TMEM178B: variants seen among roughly 807,000 people sequenced by gnomAD.
TMEM178B encodes transmembrane protein 178B.
A neutral mutation model predicts 31.0 loss-of-function variants in TMEM178B; 5 were observed. The observed-to-expected ratio is 0.16, with a 90% CI of 0.08 to 0.34. The LOEUF (loss-of-function observed/expected upper bound fraction) is 0.34, where lower values mean the gene tolerates loss of function less well. Among genes scored for constraint, TMEM178B ranks in the 10% least tolerant of loss-of-function variants. TMEM178B has a pLI of 1.00. For synonymous variants in TMEM178B, 164 were observed against 164.0 expected, an observed-to-expected ratio of 1.00 and a Z score of 0.00; for missense variants, 275 against 400.3, an observed-to-expected ratio of 0.69 and a Z score of 2.67.
At chr7:141,497,438 A>G in the TMEM178B span, among the ~76,000 whole-genome samples, 1 of 152,206 alleles carries the variant, frequency 6.6e-6, no homozygotes, top group Non-Finnish European at 1.5e-5. Flanking sequence ...ATTTTCCGTT[A>G]CTTTGTTACC....
intron 2 of TMEM178B, among the ~76,000 whole-genome samples, chr7:141,288,396 C>T (rs906981462): frequency 6.6e-6 from 1 of 151,478 alleles, no homozygotes; most frequent in Non-Finnish European, 1.5e-5. Flanking sequence ...TCCTTTATTC[C>T]TCATCTGTTG....
At chr7:141,485,080 C>G (rs1331471261), downstream of TMEM178B, among the ~76,000 whole-genome samples, 1 of 152,104 alleles carries the variant, frequency 6.6e-6, no homozygotes, top group Non-Finnish European at 1.5e-5. Context: ...TCTATAGTAG[C>G]CTGAGAGCAG....
intron 2 of TMEM178B, among the ~76,000 whole-genome samples, chr7:141,373,398 C>A (rs1800153560): frequency 6.6e-6 from 1 of 152,170 alleles, no homozygotes; most frequent in Non-Finnish European, 1.5e-5. Context: ...AGTGTACTTG[C>A]AGAAGGTTGG....
intron 2 of TMEM178B, among the ~76,000 whole-genome samples, chr7:141,324,778 T>C (rs1231287909): frequency 1.3e-5 from 2 of 152,190 alleles, no homozygotes; most frequent in Non-Finnish European, 2.9e-5. Flanking sequence ...GTTTTAGCCA[T>C]AAATCTGTTC....
In TMEM178B at chr7:141,074,652, G is replaced by A; in HGVS notation, c.342G>A (p.Arg114=). ...TNMGLWRKCH[R]QGFDPEIAAL... is the part of the protein sequence containing the mutation. ...TGGGCCTCTGGAGGAAGTGCCACCG[G>A]CAGGGCTTCGACCCCGAGATCGCCG... The change falls in exon 1 of 4, where the codon CGG becomes CGA. Residue 114 remains arginine (R), a synonymous_variant. Transcript: ENST00000565468. This position sits in a 1 kb window ranked among gnomAD's most constrained non-coding sequence, Gnocchi z 5.1. 6.6e-7 allele frequency: 1 copy of A among 1,523,318 alleles called. No individual in the cohort carries two copies. Among genetic ancestry groups the A allele is most frequent in the Non-Finnish European group, 8.8e-7 (1 of 1,137,228 alleles). 94.4% of individuals were successfully genotyped at this position (1,523,318 alleles called of 1,614,324 possible). A position where few individuals can be genotyped will look rare whatever the true frequency, so the allele number is the denominator to read the frequency against.
At position 141,477,335 on chromosome 7, in the gene TMEM178B, C is replaced by T. The variant is rs1361438722; in HGVS notation, c.*6549C>T. The T allele has an allele frequency of 6.5e-6, 1 of 154,254 alleles. No individual in the cohort carries two copies. Among genetic ancestry groups the T allele is most frequent in the Admixed American group, 6.5e-5 (1 of 15,268 alleles). The allele number at this position is 154,254 out of a possible 1,614,324, so 9.6% of individuals were successfully genotyped here. On this transcript the variant is annotated 3_prime_UTR_variant, in exon 4 of 4. Coordinates refer to ENST00000565468, the MANE Select transcript of TMEM178B (RefSeq NM_001195278.2). ...GATTAAACAAATGCAATGATGTAGC[C>T]CTTAGTTTTCTGAGGACTTCTGTGG...
At chr7:141,264,129 A>G (rs944654364) in intron 2 of TMEM178B, among the ~76,000 whole-genome samples, 2 of 152,180 alleles carry the variant, frequency 1.3e-5, no homozygotes, top group Admixed American at 6.5e-5. Flanking sequence ...AGTAGGGTTC[A>G]TTCCAGTCTC....
chr7:141,309,876 G>A (rs1798877798), intron 2 of TMEM178B, among the ~76,000 whole-genome samples: 1 of 152,068 alleles, frequency 6.6e-6, no homozygotes, highest in Non-Finnish European at 1.5e-5. Context: ...ACTTTTAGCT[G>A]TTATCTTTAA....
At chr7:141,138,884 T>C (rs1795720254) in intron 1 of TMEM178B, among the ~76,000 whole-genome samples, 1 of 151,606 alleles carries the variant, frequency 6.6e-6, no homozygotes, top group Non-Finnish European at 1.5e-5. Flanking sequence ...CTCGGGAGGC[T>C]GAGGCAGGAG....
chr7:141,215,326 T>C (rs1797112828), intron 2 of TMEM178B, among the ~76,000 whole-genome samples: 1 of 84,134 alleles, frequency 1.2e-5, no homozygotes, highest in Non-Finnish European at 3.3e-5. Flanking sequence ...TTTATTATTA[T>C]TATTATTATT....
chr7:141,122,143 A>G (rs1376366830), intron 1 of TMEM178B, among the ~76,000 whole-genome samples: 1 of 152,242 alleles, frequency 6.6e-6, no homozygotes, highest in Non-Finnish European at 1.5e-5. Flanking sequence ...CTGGAACATA[A>G]TATATTCAAG....
At chr7:141,082,162 C>T (rs547646963) in intron 1 of TMEM178B, among the ~76,000 whole-genome samples, 18 of 152,254 alleles carry the variant, frequency 1.2e-4, no homozygotes, top group Admixed American at 5.2e-4. Flanking sequence ...AATCGCCTAA[C>T]GATGCATTTC....
intron 2 of TMEM178B, among the ~76,000 whole-genome samples, chr7:141,387,905 C>G (rs921663852): frequency 6.6e-6 from 1 of 152,194 alleles, no homozygotes; most frequent in Non-Finnish European, 1.5e-5. Flanking sequence ...GCCACTCCCC[C>G]TTTCCCGCAG....
chr7:141,358,843 C>A (rs918173786), intron 2 of TMEM178B, among the ~76,000 whole-genome samples: 1 of 152,086 alleles, frequency 6.6e-6, no homozygotes, highest in Non-Finnish European at 1.5e-5. Context: ...GGGGTTTAGA[C>A]AAATCATCAA....
In TMEM178B at chr7:141,074,368, G is replaced by T; in HGVS notation, c.58G>T (p.Gly20Cys). The change falls in exon 1 of 4, where the codon GGC becomes TGC. Residue 20 changes from glycine (G) to cysteine (C), a missense_variant. Coordinates refer to ENST00000565468, the MANE Select transcript of TMEM178B (RefSeq NM_001195278.2). The surrounding 1 kb of genome is among the most constrained non-coding windows in gnomAD (Gnocchi z 5.1). Reference sequence around the variant, plus strand: ...CCTCTCGCTAGCGCTCTGCGCCCTCGGCATGCTGGCCGTGGCCATCTGCTC... The same window carrying T: ...CCTCTCGCTAGCGCTCTGCGCCCTCTGCATGCTGGCCGTGGCCATCTGCTC... ...TGLSLALCAL[G>C]MLAVAICSDH... The T allele has an allele frequency of 1.3e-6, 2 of 1,536,126 alleles. No homozygotes were observed. The highest frequency in any genetic ancestry group is 1.7e-6 in the Non-Finnish European group (2 of 1,146,862).
intron 2 of TMEM178B, among the ~76,000 whole-genome samples, chr7:141,271,715 G>A (rs1798188652): frequency 6.6e-6 from 1 of 152,210 alleles, no homozygotes; most frequent in African/African-American, 2.4e-5. Flanking sequence ...TCTGGCAAGT[G>A]TAACAATACT....
chr7:141,108,419 A>G (rs376190295), intron 1 of TMEM178B, among the ~76,000 whole-genome samples: 1 of 152,202 alleles, frequency 6.6e-6, no homozygotes, highest in Admixed American at 6.5e-5. Flanking sequence ...TTCATGGGCA[A>G]TCCATCTATA....
At chr7:141,289,943 A>G (rs1297866717) in intron 2 of TMEM178B, among the ~76,000 whole-genome samples, 1 of 151,884 alleles carries the variant, frequency 6.6e-6, no homozygotes, top group East Asian at 1.9e-4. Context: ...GAGGCCAGAG[A>G]CCAGCCTGGG....
intron 2 of TMEM178B, among the ~76,000 whole-genome samples, chr7:141,216,269 T>C (rs1797142273): frequency 6.6e-6 from 1 of 152,130 alleles, no homozygotes; most frequent in Admixed American, 6.5e-5. Context: ...AGCCTACCAA[T>C]GGGAGGCTTA....
Sources: allele counts gnomAD v4.1 joint callset (sites outside exome capture counted in the v4.1 genomes callset), GRCh38; gene constraint gnomAD v4.1.1; non-coding constraint Gnocchi (gnomAD v3.1); transcripts MANE v1.5; gene names NCBI Gene and HGNC (gene_info 2026-07-23, HGNC 2026-07-21).